The following ACKR3 variants were observed in gnomAD, a reference collection of about 807,000 sequenced individuals.
ACKR3 encodes the protein atypical chemokine receptor 3.
Under a neutral mutation model 22.4 loss-of-function variants are expected in ACKR3, and 6 were observed. That is an observed-to-expected ratio of 0.27 (90% CI 0.15 to 0.53). The LOEUF (loss-of-function observed/expected upper bound fraction) is 0.53, where lower values mean the gene tolerates loss of function less well. Among genes scored for constraint, ACKR3 ranks in the 20% least tolerant of loss-of-function variants. The pLI, the probability that ACKR3 is intolerant of heterozygous loss-of-function variation, is 0.96. For missense variants in ACKR3, 396 were observed against 475.2 expected (o/e 0.83, Z 1.55); for synonymous variants, 209 against 205.2 (o/e 1.02, Z -0.16).
intron 1 of ACKR3, among the ~76,000 whole-genome samples, chr2:236,572,864 G>A (rs924569132): frequency 1.3e-5 from 2 of 152,216 alleles, no homozygotes; most frequent in African/African-American, 4.8e-5. Context: ...GTATGTCTAA[G>A]GACCCTGGGA....
At position 236,574,090 on chromosome 2, in the gene ACKR3, A is replaced by G. The variant is rs1413167581; in HGVS notation, c.-27+4166A>G. Among the ~76,000 whole-genome samples the G allele has an allele frequency of 4.0e-5, 6 of 150,604 alleles. No individual in the cohort carries two copies. The highest frequency in any genetic ancestry group is 1.2e-4 in the African/African-American group (5 of 40,848). On this transcript the variant is annotated intron_variant, in intron 1 of 1. Coordinates refer to ENST00000272928, the MANE Select transcript of ACKR3 (RefSeq NM_020311.3). This position sits in a 1 kb window ranked among gnomAD's most constrained non-coding sequence, Gnocchi z 5.6. Reference sequence around the variant, plus strand: ...GGGTGATGGGCCTGCGTGCCTTCCCAATTAGCCGGCGGGGTCTCGGGGGTT... The same window carrying G: ...GGGTGATGGGCCTGCGTGCCTTCCCGATTAGCCGGCGGGGTCTCGGGGGTT...
At position 236,574,575 on chromosome 2, in the gene ACKR3, A is replaced by T. The variant is rs1387977641; in HGVS notation, c.-27+4651A>T. Among the ~76,000 whole-genome samples the T allele has an allele frequency of 1.3e-5, 2 of 152,132 alleles. No individual in the cohort carries two copies. The highest frequency in any genetic ancestry group is 4.8e-5 in the African/African-American group (2 of 41,416). ...AAGGGAGTTTGGAGGGACACTGGCC[A>T]GGTGCCTGAACACGTGGCATTCTCT... On this transcript the variant is annotated intron_variant, in intron 1 of 1. Coordinates refer to ENST00000272928, the MANE Select transcript of ACKR3 (RefSeq NM_020311.3). This position sits in a 1 kb window ranked among gnomAD's most constrained non-coding sequence, Gnocchi z 5.6.
chr2:236,566,362 C>T (rs1301667731), upstream of ACKR3, among the ~76,000 whole-genome samples: 1 of 152,214 alleles, frequency 6.6e-6, no homozygotes, highest in African/African-American at 2.4e-5. Flanking sequence ...GTAGGGACAG[C>T]GTCCTGTTCG....
chr2:236,573,708 G>T (rs1457142063), intron 1 of ACKR3, among the ~76,000 whole-genome samples: 1 of 152,186 alleles, frequency 6.6e-6, no homozygotes, highest in East Asian at 1.9e-4. Context: ...TAGCAGCCTG[G>T]TCTGCACCCA....
the ACKR3 span, among the ~76,000 whole-genome samples, chr2:236,560,316 CTTTTT>C: frequency 1.2e-4 from 14 of 118,932 alleles, no homozygotes; most frequent in Non-Finnish European, 1.7e-4. Flanking sequence ...CACTTGTTGC[CTTTTT>C]TTTTTTTTTT....
At position 236,581,483 on chromosome 2, in the gene ACKR3, C is replaced by T. The variant is rs771600279; in HGVS notation, c.1018C>T (p.Leu340Phe). The T allele has an allele frequency of 1.3e-5, 21 of 1,614,060 alleles. No individual in the cohort carries two copies. The South Asian group carries it at 1.4e-4, about 11-fold the overall frequency. Reference sequence around the variant, plus strand: ...CTTCAAGTACTCGGCCAAAACAGGGCTCACCAAGCTCATCGATGCCTCCAG... The same window carrying T: ...CTTCAAGTACTCGGCCAAAACAGGGTTCACCAAGCTCATCGATGCCTCCAG... ...FIFKYSAKTGLTKLIDASRVS... is the reference protein window; with the variant it reads ...FIFKYSAKTGFTKLIDASRVS... The change falls in exon 2 of 2, where the codon CTC becomes TTC. Residue 340 changes from leucine to phenylalanine, a missense_variant. Leu to Phe is a conservative substitution (Grantham distance 22, BLOSUM62 0). Coordinates refer to ENST00000272928, the MANE Select transcript of ACKR3 (RefSeq NM_020311.3). This position sits in a 1 kb window ranked among gnomAD's most constrained non-coding sequence, Gnocchi z 4.4.
In ACKR3 at chr2:236,581,078, A is replaced by G; in HGVS notation, c.613A>G (p.Ile205Val). 1.9e-6 allele frequency: 3 copies of G among 1,614,190 alleles called. No individual in the cohort carries two copies. The highest frequency in any genetic ancestry group is 2.5e-6 in the Non-Finnish European group (3 of 1,180,030). ...CCGGTCCTTCTACCCCGAGCACAGC[A>G]TCAAGGAGTGGCTGATCGGCATGGA... is the stretch of plus-strand genomic sequence containing the variant. ...YCRSFYPEHSIKEWLIGMELV... is the reference protein window; with the variant it reads ...YCRSFYPEHSVKEWLIGMELV... Residue 205 changes from isoleucine (I) to valine (V), a missense_variant, in exon 2 of 2, where the codon ATC (isoleucine) becomes GTC (valine). Ile to Val is a conservative substitution (Grantham distance 29, BLOSUM62 3). Transcript: ENST00000272928. This position sits in a 1 kb window ranked among gnomAD's most constrained non-coding sequence, Gnocchi z 4.4.
Position 236,580,978 on chromosome 2 carries a change from G to A in ACKR3, c.513G>A (p.Leu171=), listed in dbSNP as rs1691514303. The change falls in exon 2 of 2, where the codon CTG becomes CTA. Residue 171 remains leucine, a synonymous_variant. Transcript: ENST00000272928. ...TCGTCTGCATCCTGGTGTGGCTGCTGGCCTTCTGCGTGTCTCTGCCTGACA... is the reference window on the plus strand; with the variant it reads ...TCGTCTGCATCCTGGTGTGGCTGCTAGCCTTCTGCGTGTCTCTGCCTGACA... ...RRVVCILVWL[L]AFCVSLPDTY... is the part of the protein sequence containing the mutation. 1.2e-6 allele frequency: 2 copies of A among 1,614,124 alleles called. No homozygotes were observed. Among genetic ancestry groups the A allele is most frequent in the African/African-American group, 2.7e-5 (2 of 75,044 alleles).
chr2:236,539,258 C>G, the ACKR3 span, among the ~76,000 whole-genome samples: 11,572 of 145,634 alleles, frequency 0.079, 1,515 homozygotes, highest in African/African-American at 0.28. Flanking sequence ...GTGTGTGTCT[C>G]TCTCTCTCTC....
At chr2:236,573,326 G>A (rs10183022) in intron 1 of ACKR3, among the ~76,000 whole-genome samples, 79,503 of 152,114 alleles carry the variant, frequency 0.52, 24,810 homozygotes, top group African/African-American at 0.89. Context: ...ATCTGCTCAA[G>A]GAGACCAGAG....
chr2:236,579,330 C>T (rs1691474710), intron 1 of ACKR3, among the ~76,000 whole-genome samples: 1 of 152,224 alleles, frequency 6.6e-6, no homozygotes, highest in African/African-American at 2.4e-5. Context: ...CTGACTATGT[C>T]ACTGTCAACA....
At chr2:236,565,616 C>A (rs974834749), upstream of ACKR3, among the ~76,000 whole-genome samples, 5 of 152,198 alleles carry the variant, frequency 3.3e-5, no homozygotes, top group South Asian at 2.1e-4. Flanking sequence ...GTCTTCATTT[C>A]TTTATGAGGG....
At chr2:236,545,103 G>T in the ACKR3 span, among the ~76,000 whole-genome samples, 4 of 152,138 alleles carry the variant, frequency 2.6e-5, no homozygotes, top group African/African-American at 7.2e-5. This position sits in a 1 kb window ranked among gnomAD's most constrained non-coding sequence, Gnocchi z 5.3. Flanking sequence ...AGTCACTCAG[G>T]GTATTCGCCT....
Position 236,581,055 on chromosome 2 carries a change from G to T in ACKR3, c.590G>T (p.Arg197Leu). 6.2e-7 allele frequency: 1 copy of T among 1,614,142 alleles called. No homozygotes were observed. The part of the protein sequence containing the change: ...TSASNNETYC[R>L]SFYPEHSIKE... The stretch of plus-strand genomic sequence containing the variant: ...GCGTCCAACAATGAGACCTACTGCC[G>T]GTCCTTCTACCCCGAGCACAGCATC... The change falls in exon 2 of 2, where the codon CGG (arginine) becomes CTG (leucine). Residue 197 changes from arginine to leucine, a missense_variant. Coordinates refer to ENST00000272928, the MANE Select transcript of ACKR3 (RefSeq NM_020311.3). This position sits in a 1 kb window ranked among gnomAD's most constrained non-coding sequence, Gnocchi z 4.4.
At chr2:236,544,879 T>C in the ACKR3 span, among the ~76,000 whole-genome samples, 2 of 152,154 alleles carry the variant, frequency 1.3e-5, no homozygotes, top group Non-Finnish European at 2.9e-5. The surrounding 1 kb of genome is among the most constrained non-coding windows in gnomAD (Gnocchi z 5.0). Flanking sequence ...TATAACATAA[T>C]ATAGAAGACA....
chr2:236,559,036 A>G, the ACKR3 span, among the ~76,000 whole-genome samples: 1 of 152,234 alleles, frequency 6.6e-6, no homozygotes, highest in Non-Finnish European at 1.5e-5. Flanking sequence ...AATACTTCAG[A>G]ATGTTACCAA....
At chr2:236,547,187 A>G in the ACKR3 span, among the ~76,000 whole-genome samples, 1 of 152,228 alleles carries the variant, frequency 6.6e-6, no homozygotes, top group African/African-American at 2.4e-5. Flanking sequence ...GTACAGTGTG[A>G]AGAAGGAAAT....
chr2:236,566,852 CTTTT>C (rs1362452895), upstream of ACKR3, among the ~76,000 whole-genome samples: 2 of 150,476 alleles, frequency 1.3e-5, no homozygotes, highest in South Asian at 2.1e-4. Flanking sequence ...TTCTTTCTTT[CTTTT>C]CTTTCTTTCT....
At chr2:236,550,944 G>A in the ACKR3 span, among the ~76,000 whole-genome samples, 12 of 152,132 alleles carry the variant, frequency 7.9e-5, no homozygotes, top group South Asian at 2.1e-4. This position sits in a 1 kb window ranked among gnomAD's most constrained non-coding sequence, Gnocchi z 4.6. Flanking sequence ...TGGAAAGCCC[G>A]GGCCCTTCCT....
Sources: gnomAD v4.1 joint callset for allele counts (sites outside exome capture counted in the v4.1 genomes callset) on GRCh38, gnomAD v4.1.1 for gene constraint, Gnocchi (gnomAD v3.1) non-coding constraint, MANE v1.5 for transcripts, NCBI Gene and HGNC (gene_info 2026-07-23, HGNC 2026-07-21) for gene names.